Variants in RASGRF2 observed in about 807,000 individuals in gnomAD.
RASGRF2 encodes ras-specific guanine nucleotide-releasing factor 2.
RASGRF2 carries 76 observed loss-of-function variants against 151.0 expected under a neutral mutation model. The observed-to-expected ratio is 0.50, with a 90% CI of 0.42 to 0.61. RASGRF2 has a LOEUF of 0.61. RASGRF2 is among the 20% of genes least tolerant of loss of function. RASGRF2 has a pLI of 0.00. For synonymous variants in RASGRF2, 504 were observed against 566.5 expected (o/e 0.89, Z 1.57); for missense variants, 1,148 against 1,564.6 (o/e 0.73, Z 4.49).
At chr5:80,981,333 A>G (rs1342937991) in intron 1 of RASGRF2, among the ~76,000 whole-genome samples, 1 of 152,120 alleles carries the variant, frequency 6.6e-6, no homozygotes, top group Non-Finnish European at 1.5e-5. Flanking sequence ...TGCTTTAAAA[A>G]TTGTGGTACC....
chr5:81,216,814 C>T, intron 24 of RASGRF2: 1 of 276,910 alleles, frequency 3.6e-6, no homozygotes, highest in South Asian at 3.2e-5. Context: ...GTATACCCAG[C>T]TCTCTCTAAA....
intron 1 of RASGRF2, among the ~76,000 whole-genome samples, chr5:81,004,442 C>T (rs780944124): frequency 6.6e-6 from 1 of 152,138 alleles, no homozygotes; most frequent in Non-Finnish European, 1.5e-5. Context: ...TCACGGACTT[C>T]GTGGGAGAGA....
intron 12 of RASGRF2, among the ~76,000 whole-genome samples, chr5:81,101,173 A>G (rs1752688269): frequency 6.6e-6 from 1 of 152,194 alleles, no homozygotes; most frequent in South Asian, 2.1e-4. Context: ...GATGACATTA[A>G]AGATATCTGA....
At chr5:81,176,806 G>A (rs1004529535) in intron 17 of RASGRF2, among the ~76,000 whole-genome samples, 2 of 152,172 alleles carry the variant, frequency 1.3e-5, no homozygotes, top group Admixed American at 6.5e-5. Flanking sequence ...CTGAGCCTCT[G>A]GCCTGCAGGA....
chr5:81,062,170 G>A (rs1021527393), intron 2 of RASGRF2, among the ~76,000 whole-genome samples: 1 of 152,036 alleles, frequency 6.6e-6, no homozygotes, highest in Admixed American at 6.5e-5. Context: ...GCATTTATTA[G>A]TCATTTGTTT....
At chr5:81,131,685 G>GAA (rs796624027) in intron 17 of RASGRF2, among the ~76,000 whole-genome samples, 25 of 126,312 alleles carry the variant, frequency 2.0e-4, no homozygotes, top group African/African-American at 6.5e-4. Context: ...TAAAAGAAAA[G>GAA]AAAAAAAAAA....
At chr5:81,094,739 A>C in intron 11 of RASGRF2, 117 bp from the exon 12 acceptor site, 1 of 1,153,964 alleles carries the variant, frequency 8.7e-7, no homozygotes, top group Admixed American at 2.2e-5. Context: ...GATATTGCTG[A>C]AATGAGAGTC....
chr5:81,037,285 TA>T (rs552840513), intron 1 of RASGRF2, among the ~76,000 whole-genome samples: 5 of 152,206 alleles, frequency 3.3e-5, no homozygotes, highest in Admixed American at 3.3e-4. Context: ...TTCAAACTGT[TA>T]AAAAATATGT....
chr5:80,982,890 G>T (rs116163741), intron 1 of RASGRF2, among the ~76,000 whole-genome samples: 1 of 152,046 alleles, frequency 6.6e-6, no homozygotes, highest in Non-Finnish European at 1.5e-5. Context: ...GTGAGCCACC[G>T]CGCCCAGCCA....
intron 19 of RASGRF2, among the ~76,000 whole-genome samples, chr5:81,202,618 C>T (rs1755422649): frequency 6.6e-6 from 1 of 152,200 alleles, no homozygotes; most frequent in African/African-American, 2.4e-5. Context: ...TCCTAGCCTC[C>T]CATACCTCAA....
intron 2 of RASGRF2, among the ~76,000 whole-genome samples, chr5:81,060,024 C>T (rs1464382264): frequency 6.6e-6 from 1 of 152,152 alleles, no homozygotes; most frequent in East Asian, 1.9e-4. Context: ...GCAAGTGGGT[C>T]ATACAGCAAG....
chr5:81,000,682 C>T (rs1440475933), intron 1 of RASGRF2, among the ~76,000 whole-genome samples: 1 of 152,116 alleles, frequency 6.6e-6, no homozygotes, highest in African/African-American at 2.4e-5. Context: ...TGGTGTTTGT[C>T]AAAGCATAAG....
intron 9 of RASGRF2, among the ~76,000 whole-genome samples, chr5:81,090,347 G>C (rs1249545153): frequency 6.6e-6 from 1 of 152,170 alleles, no homozygotes; most frequent in Non-Finnish European, 1.5e-5. Flanking sequence ...TTATTAGAGA[G>C]ACCGATGACC....
At chr5:81,149,643 A>G (rs1468374490) in intron 17 of RASGRF2, among the ~76,000 whole-genome samples, 1 of 152,164 alleles carries the variant, frequency 6.6e-6, no homozygotes, top group Non-Finnish European at 1.5e-5. Flanking sequence ...TTAAAAAAAA[A>G]AAATCCACCC....
intron 1 of RASGRF2, among the ~76,000 whole-genome samples, chr5:81,005,104 G>A (rs763801754): frequency 4.6e-5 from 7 of 152,110 alleles, no homozygotes; most frequent in Non-Finnish European, 8.8e-5. Context: ...CATGTAAGTG[G>A]AATCATACAT....
At chr5:80,995,684 T>TTCCCC (rs759339620) in intron 1 of RASGRF2, among the ~76,000 whole-genome samples, 1 of 69,472 alleles carries the variant, frequency 1.4e-5, no homozygotes, top group African/African-American at 5.3e-5. Flanking sequence ...TTCCTTTCCT[T>TTCCCC]CCCCCCCCCT....
At position 81,046,282 on chromosome 5, in the gene RASGRF2, C is replaced by T. The variant is rs138029612; in HGVS notation, c.395+3299C>T. On this transcript the variant is annotated intron_variant, in intron 2 of 26. Transcript: ENST00000265080. ...AACATCACATTGTTCTGTTGGCTTT[C>T]GTATCTCAGAGCAGAATCTACTTGC... 3.3e-5 allele frequency among the ~76,000 whole-genome samples: 5 copies of T among 152,056 alleles called. No homozygotes were observed. The East Asian group carries it at 7.7e-4, about 23-fold the overall frequency.
rs56082157 is a variant in RASGRF2 at position 80,996,505 on chromosome 5, C to CTTCTTCTTCTTCT, written c.288+35480_288+35481insTCTTCTTCTTCTT. Among the ~76,000 whole-genome samples, 180 of 47,770 alleles carry CTTCTTCTTCTTCT rather than the reference C, an allele frequency of 3.8e-3. 30 individuals are homozygous for CTTCTTCTTCTTCT. The highest frequency in any genetic ancestry group is 0.012 in the African/African-American group (124 of 10,210). The allele number at this position is 47,770 out of a possible 152,430, so 31.3% of individuals were successfully genotyped here. ...CTTCTTCTTCTTCTTCTTCTTCTTC[C>CTTCTTCTTCTTCT]TCCTCCTCCTCCTCCCCCTCCTCCT... On this transcript the variant is annotated intron_variant, in intron 1 of 26. Transcript: ENST00000265080.
chr5:81,058,354 T>TA (rs2112430861), intron 2 of RASGRF2, among the ~76,000 whole-genome samples: 1 of 152,288 alleles, frequency 6.6e-6, no homozygotes. Context: ...ATAAGATATG[T>TA]GTTGGCAATA....
Sources: gnomAD v4.1 joint callset for allele counts (sites outside exome capture counted in the v4.1 genomes callset) on GRCh38, gnomAD v4.1.1 for gene constraint, MANE v1.5 for transcripts, NCBI Gene and HGNC (gene_info 2026-07-23, HGNC 2026-07-21) for gene names.